ADSL: variants seen among roughly 807,000 people sequenced by gnomAD.
ADSL encodes the protein adenylosuccinate lyase.
A neutral mutation model predicts 62.1 loss-of-function variants in ADSL; 44 were observed. That is an observed-to-expected ratio of 0.71 (90% CI 0.56 to 0.91). The LOEUF is 0.91. Ranked by LOEUF, ADSL falls within the 40% of genes least tolerant of loss-of-function variation. The probability of loss-of-function intolerance (pLI) is 0.00; values close to 1 mark genes in which losing one functional copy is unlikely to be tolerated. For missense variants in ADSL, 531 were observed against 627.4 expected (o/e 0.85, Z 1.64); for synonymous variants, 198 against 220.5 (o/e 0.90, Z 0.90).
At chr22:40,374,611 G>A (rs1223448604) in intron 2 of ADSL, among the ~76,000 whole-genome samples, 2 of 152,226 alleles carry the variant, frequency 1.3e-5, no homozygotes, top group South Asian at 2.1e-4. Context: ...GGCCCAGTAC[G>A]GCGGCTCACG....
Position 40,361,577 on chromosome 22 carries a change from C to T in ADSL, c.952C>T (p.Pro318Ser). 6.2e-7 allele frequency: 1 copy of T among 1,614,178 alleles called. No homozygotes were observed. Among genetic ancestry groups the T allele is most frequent in the Non-Finnish European group, 8.5e-7 (1 of 1,180,050 alleles). ...ARHLMTLVMD[P>S]LQTASVQWFE... The stretch of plus-strand genomic sequence containing the variant: ...CCACCTGATGACCCTTGTCATGGAC[C>T]CGCTACAGACAGCATCTGTCCAGTG... The change falls in exon 9 of 13, where the codon CCG becomes TCG. Residue 318 changes from proline (P) to serine (S), a missense_variant. Transcript: ENST00000623063.
chr22:40,372,404 C>T (rs934429802), downstream of ADSL, among the ~76,000 whole-genome samples: 5 of 152,066 alleles, frequency 3.3e-5, no homozygotes, highest in African/African-American at 1.2e-4. Context: ...GGATTACAGG[C>T]GTGAGCCACC....
chr22:40,366,136 C>G (rs1179570657), intron 12 of ADSL, among the ~76,000 whole-genome samples: 2 of 151,732 alleles, frequency 1.3e-5, no homozygotes, highest in Non-Finnish European at 2.9e-5. Flanking sequence ...TTGAAGAGGG[C>G]TGGGAAGCAG....
chr22:40,352,244 G>T (rs1405661343), intron 2 of ADSL, among the ~76,000 whole-genome samples: 2 of 151,916 alleles, frequency 1.3e-5, no homozygotes, highest in Non-Finnish European at 2.9e-5. Context: ...AAAAATGGGG[G>T]AGGCTGGGCA....
intron 2 of ADSL, among the ~76,000 whole-genome samples, chr22:40,380,587 G>T (rs536746806): frequency 6.6e-6 from 1 of 151,936 alleles, no homozygotes; most frequent in African/African-American, 2.4e-5. Context: ...GGCTGGTCTC[G>T]AACTCCTGAC....
chr22:40,355,751 G>A (rs2146643225), intron 4 of ADSL, among the ~76,000 whole-genome samples: 1 of 152,304 alleles, frequency 6.6e-6, no homozygotes, highest in African/African-American at 2.4e-5. Flanking sequence ...AAAACAGTAA[G>A]ATTAATTTTG....
intron 2 of ADSL, among the ~76,000 whole-genome samples, chr22:40,382,143 G>A (rs772763102): frequency 2.6e-5 from 4 of 152,034 alleles, no homozygotes; most frequent in Non-Finnish European, 5.9e-5. Flanking sequence ...TGTGAGGTCA[G>A]GATAAGTTTA....
intron 2 of ADSL, among the ~76,000 whole-genome samples, chr22:40,379,968 C>T (rs1246486172): frequency 6.6e-6 from 1 of 152,138 alleles, no homozygotes; most frequent in Admixed American, 6.5e-5. Flanking sequence ...TCCTCGGCCT[C>T]CTAAAGTGCT....
intron 3 of ADSL, 142 bp from the exon 4 acceptor site, chr22:40,354,106 A>T: frequency 7.3e-6 from 6 of 823,846 alleles, no homozygotes; most frequent in South Asian, 6.8e-5. Context: ...ACTTTAGGGT[A>T]CAAAGATGGA....
chr22:40,378,780 G>T (rs2047075682), intron 2 of ADSL, among the ~76,000 whole-genome samples: 1 of 151,946 alleles, frequency 6.6e-6, no homozygotes, highest in African/African-American at 2.4e-5. Flanking sequence ...TGTACTGAAT[G>T]AACTGTAAAG....
rs776521574 is a variant in ADSL at position 40,358,926 on chromosome 22, A to G, written c.545A>G (p.Asp182Gly). The change falls in exon 5 of 13, where the codon GAT (aspartate) becomes GGT (glycine). Residue 182 changes from aspartate to glycine, a missense_variant. Asp to Gly is a moderately conservative substitution (Grantham distance 94). Transcript: ENST00000623063. Reference sequence around the variant, plus strand: ...CTTTGGATTCAGGATCTTTGCATGGATCTCCAGAACTTGAAGCGTGTCCGA... The same window carrying G: ...CTTTGGATTCAGGATCTTTGCATGGGTCTCCAGAACTTGAAGCGTGTCCGA... ...CCLWIQDLCM[D>G]LQNLKRVRDD... 2 of 1,614,168 alleles carry G rather than the reference A, an allele frequency of 1.2e-6. No individual in the cohort carries two copies. The highest frequency in any genetic ancestry group is 1.7e-5 in the Admixed American group (1 of 60,008).
intron 7 of ADSL, chr22:40,361,057 G>A (rs1219754795): frequency 2.7e-5 from 17 of 638,544 alleles, no homozygotes; most frequent in African/African-American, 5.4e-5. Context: ...TCACAAAAGC[G>A]TTTTCATGCT....
chr22:40,363,597 G>A (rs1263566030), intron 10 of ADSL, among the ~76,000 whole-genome samples: 3 of 152,204 alleles, frequency 2.0e-5, no homozygotes, highest in Middle Eastern at 3.4e-3. Flanking sequence ...TTAGCTGGGC[G>A]TGTTGGCGGG....
intron 9 of ADSL, 84 bp downstream of exon 9, chr22:40,361,719 A>T (rs968114517): frequency 1.4e-5 from 21 of 1,538,610 alleles, no homozygotes; most frequent in Non-Finnish European, 1.8e-5. Flanking sequence ...ATATTTGAGC[A>T]TCTCTACAGT....
chr22:40,366,763 A>G lies in ADSL; in HGVS notation c.*241A>G, dbSNP rs1833591274. 2.2e-6 allele frequency: 1 copy of G among 463,446 alleles called. No individual in the cohort carries two copies. The allele number at this position is 463,446 out of a possible 1,614,324, so 28.7% of individuals were successfully genotyped here. A position where few individuals can be genotyped will look rare whatever the true frequency, so the allele number is the denominator to read the frequency against. Reference sequence around the variant, plus strand: ...TTCATACTTGATCTCTGTTCTTTCAAGGCATATTTTCCAGCTGCCTCAAGT... The same window carrying G: ...TTCATACTTGATCTCTGTTCTTTCAGGGCATATTTTCCAGCTGCCTCAAGT... On this transcript the variant is annotated 3_prime_UTR_variant, in exon 13 of 13. Transcript: ENST00000623063.
At chr22:40,383,040 T>C (rs1363603973) in intron 2 of ADSL, among the ~76,000 whole-genome samples, 1 of 152,180 alleles carries the variant, frequency 6.6e-6, no homozygotes, top group Non-Finnish European at 1.5e-5. Context: ...ATTAAATATC[T>C]CATGAAACAG....
intron 2 of ADSL, among the ~76,000 whole-genome samples, chr22:40,386,042 T>C (rs2048382703): frequency 6.6e-6 from 1 of 151,788 alleles, no homozygotes; most frequent in South Asian, 2.1e-4. Flanking sequence ...TTTTTGTTTT[T>C]TTTGTTTTTC....
At chr22:40,350,761 C>T (rs751940949) in intron 2 of ADSL, among the ~76,000 whole-genome samples, 5 of 151,044 alleles carry the variant, frequency 3.3e-5, no homozygotes, top group South Asian at 4.2e-4. Context: ...TGGGATTCCA[C>T]GCGCCTGCCA....
intron 4 of ADSL, among the ~76,000 whole-genome samples, chr22:40,354,878 A>G (rs2044491169): frequency 6.6e-6 from 1 of 152,120 alleles, no homozygotes; most frequent in Admixed American, 6.6e-5. Flanking sequence ...CAAAAAAAAA[A>G]AAAAAGAAAA....
Sources: allele counts gnomAD v4.1 joint callset (sites outside exome capture counted in the v4.1 genomes callset), GRCh38; gene constraint gnomAD v4.1.1; transcripts MANE v1.5; gene names NCBI Gene and HGNC (gene_info 2026-07-23, HGNC 2026-07-21).